The following SIRT3 variants were observed in gnomAD, a reference collection of about 807,000 sequenced individuals.
SIRT3 encodes the protein NAD-dependent protein deacetylase sirtuin-3, mitochondrial.
A neutral mutation model predicts 33.5 loss-of-function variants in SIRT3; 26 were observed. The ratio of observed to expected loss-of-function variants is 0.78; its 90% confidence interval spans 0.57 to 1.08. The LOEUF (loss-of-function observed/expected upper bound fraction) is 1.08. Ranked by LOEUF, SIRT3 falls within the 50% of genes least tolerant of loss-of-function variation. SIRT3 has a pLI of 0.00. For synonymous variants in SIRT3, 237 were observed against 222.1 expected, an observed-to-expected ratio of 1.07 and a Z score of -0.60; for missense variants, 585 against 530.1, an observed-to-expected ratio of 1.10 and a Z score of -1.02.
At chr11:230,928 G>A (rs773187942) in intron 3 of SIRT3, among the ~76,000 whole-genome samples, 2 of 151,988 alleles carry the variant, frequency 1.3e-5, no homozygotes, top group Admixed American at 6.6e-5. Context: ...GTTCAAGACC[G>A]GCCTGGCCAT....
At chr11:224,363 AC>A in intron 4 of SIRT3, 124 bp from the exon 5 acceptor site, 2 of 956,526 alleles carry the variant, frequency 2.1e-6, no homozygotes, top group South Asian at 1.8e-5. Context: ...GGGATCATGA[AC>A]CCCCATGTAC....
intron 5 of SIRT3, among the ~76,000 whole-genome samples, chr11:221,779 C>T (rs984012788): frequency 1.3e-5 from 2 of 152,184 alleles, no homozygotes; most frequent in Admixed American, 6.5e-5. Context: ...GCATTAACAA[C>T]GCAGCACATC....
chr11:232,217 A>T (rs748808226), intron 3 of SIRT3, among the ~76,000 whole-genome samples: 6 of 152,070 alleles, frequency 3.9e-5, no homozygotes, highest in Non-Finnish European at 5.9e-5. Flanking sequence ...TGCTGGGTTC[A>T]AGAGATTCTC....
chr11:224,394 G>T (rs1362121674), intron 4 of SIRT3, among the ~76,000 whole-genome samples, 155 bp from the exon 5 acceptor site: 1 of 152,250 alleles, frequency 6.6e-6, no homozygotes, highest in Non-Finnish European at 1.5e-5. Flanking sequence ...GGAATTACCA[G>T]TTTTCATAGC....
intron 5 of SIRT3, among the ~76,000 whole-genome samples, chr11:219,404 G>A (rs935241343): frequency 1.3e-4 from 20 of 152,110 alleles, no homozygotes; most frequent in Admixed American, 9.8e-4. Context: ...TGACGCAGAG[G>A]GACAACAGCA....
At chr11:220,956 A>G in intron 5 of SIRT3, among the ~76,000 whole-genome samples, 1 of 104,554 alleles carries the variant, frequency 9.6e-6, no homozygotes, top group Non-Finnish European at 1.9e-5. Flanking sequence ...GCATGGGTAG[A>G]TAAGGATGAC....
intron 6 of SIRT3, among the ~76,000 whole-genome samples, chr11:218,063 A>C (rs986205910): frequency 2.6e-5 from 4 of 152,164 alleles, no homozygotes; most frequent in Non-Finnish European, 4.4e-5. Flanking sequence ...AGGCCCCCAC[A>C]GCCATATGGA....
chr11:232,280 G>T (rs565058917), intron 3 of SIRT3, among the ~76,000 whole-genome samples: 71 of 151,996 alleles, frequency 4.7e-4, no homozygotes, highest in African/African-American at 1.6e-3. Flanking sequence ...ACCACGCCTG[G>T]CTAATTTTTT....
intron 4 of SIRT3, among the ~76,000 whole-genome samples, chr11:229,601 C>CA (rs1857631368): frequency 6.6e-6 from 1 of 151,516 alleles, no homozygotes; most frequent in African/African-American, 2.4e-5. Context: ...ACTAGAAATA[C>CA]AAAAAACATT....
At chr11:217,396 C>T (rs776390695) in intron 6 of SIRT3, among the ~76,000 whole-genome samples, 13 of 152,230 alleles carry the variant, frequency 8.5e-5, no homozygotes, top group Non-Finnish European at 1.6e-4. Context: ...CTGCAGTGAG[C>T]CAAAATCGTG....
chr11:230,272 A>G (rs1857748458), intron 4 of SIRT3, among the ~76,000 whole-genome samples, 180 bp downstream of exon 4: 2 of 151,828 alleles, frequency 1.3e-5, no homozygotes, highest in Admixed American at 6.6e-5. Context: ...TTTTCCCTAC[A>G]TATTTCTATA....
chr11:218,260 C>T (rs895984834), intron 6 of SIRT3, among the ~76,000 whole-genome samples: 1 of 152,196 alleles, frequency 6.6e-6, no homozygotes, highest in Admixed American at 6.5e-5. Context: ...CCCTTAATAT[C>T]AAGGCTACAC....
chr11:235,081 T>C (rs944030830), intron 1 of SIRT3, among the ~76,000 whole-genome samples: 3 of 151,210 alleles, frequency 2.0e-5, no homozygotes, highest in African/African-American at 4.9e-5. Flanking sequence ...TTTCACCATG[T>C]TGGCCCAGCT....
intron 6 of SIRT3, 175 bp downstream of exon 6, chr11:218,657 T>G: frequency 8.6e-7 from 1 of 1,167,922 alleles, no homozygotes; most frequent in Non-Finnish European, 1.2e-6. Flanking sequence ...CATCTCTAAA[T>G]GGAGGTATTG....
chr11:233,349 T>C lies in SIRT3; in HGVS notation c.467A>G (p.Asp156Gly), dbSNP rs1246020758. ...GTGGGACTGTGGGCAGTACCTGAAG[T>C]CTGGAATGCCACTGGGTGTGCTGAT... ...AGISTPSGIP[D>G]FRSPGSGLYS... Residue 156 changes from aspartate (D) to glycine (G), a missense_variant, in exon 2 of 7, where the codon GAC becomes GGC. Coordinates refer to ENST00000382743, the MANE Select transcript of SIRT3 (RefSeq NM_012239.6). 3 of 1,613,036 alleles carry C rather than the reference T, an allele frequency of 1.9e-6. No individual in the cohort carries two copies. Among genetic ancestry groups the C allele is most frequent in the Non-Finnish European group, 1.7e-6 (2 of 1,179,536 alleles).
upstream of SIRT3, chr11:236,813 C>T (rs1859226089): frequency 3.5e-6 from 2 of 568,556 alleles, no homozygotes; most frequent in African/African-American, 1.9e-5. Context: ...CACTCTTTGA[C>T]GCCTCAATGG....
intron 3 of SIRT3, among the ~76,000 whole-genome samples, chr11:231,115 A>G (rs1040251660): frequency 4.5e-5 from 5 of 111,076 alleles, no homozygotes; most frequent in African/African-American, 1.8e-4. Context: ...AGAGAGCGAG[A>G]TTCTGTCTCA....
intron 5 of SIRT3, among the ~76,000 whole-genome samples, chr11:220,345 A>G (rs13328840): frequency 0.058 from 8,732 of 149,430 alleles, 870 homozygotes; most frequent in African/African-American, 0.21. Context: ...AAAAAAAAAA[A>G]AAAAAGAAAG....
In SIRT3 at chr11:216,571, G is replaced by A. The variant is rs1441205481; in HGVS notation, c.*127C>T. ...GAGAAGACATTCCAGTGGCAGCCTC[G>A]GGTGTCCACTCAGTTCACATATTCT... On this transcript the variant is annotated 3_prime_UTR_variant, in exon 7 of 7. Coordinates refer to ENST00000382743, the MANE Select transcript of SIRT3 (RefSeq NM_012239.6). 5 of 1,013,864 alleles carry A rather than the reference G, an allele frequency of 4.9e-6. No homozygotes were observed. The highest frequency in any genetic ancestry group is 1.6e-5 in the African/African-American group (1 of 63,446). 62.8% of individuals were successfully genotyped at this position (1,013,864 alleles called of 1,614,324 possible).
Sources: allele counts gnomAD v4.1 joint callset (sites outside exome capture counted in the v4.1 genomes callset), GRCh38; gene constraint gnomAD v4.1.1; transcripts MANE v1.5; gene names NCBI Gene and HGNC (gene_info 2026-07-23, HGNC 2026-07-21).